The following TAFA4 variants were observed in gnomAD, a reference collection of about 807,000 sequenced individuals.
TAFA4 encodes chemokine-like protein TAFA-4.
A neutral mutation model predicts 21.1 loss-of-function variants in TAFA4; 20 were observed. The ratio of observed to expected loss-of-function variants is 0.95; its 90% confidence interval spans 0.67 to 1.38. The LOEUF (loss-of-function observed/expected upper bound fraction) is 1.38. Among genes scored for constraint, TAFA4 ranks in the 40% most tolerant of loss-of-function variants. TAFA4 has a pLI of 0.00. For synonymous variants in TAFA4, 71 were observed against 67.4 expected, an observed-to-expected ratio of 1.05 and a Z score of -0.26; for missense variants, 211 against 180.9, an observed-to-expected ratio of 1.17 and a Z score of -0.95.
chr3:68,851,733 C>G (rs1341269315), intron 3 of TAFA4, among the ~76,000 whole-genome samples: 3 of 152,116 alleles, frequency 2.0e-5, no homozygotes, highest in Non-Finnish European at 2.9e-5. Context: ...TTTCAAAACT[C>G]ATTGAAAGGT....
chr3:68,741,931 A>T (rs2106733777), intron 4 of TAFA4, among the ~76,000 whole-genome samples: 1 of 152,352 alleles, frequency 6.6e-6, no homozygotes, highest in Admixed American at 6.5e-5. Flanking sequence ...CAAAAAAGAA[A>T]ATTATAGGCC....
At chr3:68,779,578 G>A (rs574767487) in intron 3 of TAFA4, among the ~76,000 whole-genome samples, 2 of 152,304 alleles carry the variant, frequency 1.3e-5, no homozygotes, top group East Asian at 3.9e-4. Context: ...CCAAAGTACA[G>A]CTGGGCTGTT....
intron 5 of TAFA4, among the ~76,000 whole-genome samples, chr3:68,734,100 A>G (rs1702198517): frequency 6.6e-6 from 1 of 152,180 alleles, no homozygotes; most frequent in South Asian, 2.1e-4. Flanking sequence ...TTCATTCACA[A>G]AAGTAGCCAT....
chr3:68,811,304 C>T (rs10446385), intron 3 of TAFA4, among the ~76,000 whole-genome samples: 104,529 of 152,040 alleles, frequency 0.69, 36,463 homozygotes, highest in East Asian at 0.98. Context: ...TCACCAGCAA[C>T]GGAACAAAGC....
chr3:68,921,244 C>A (rs546092167), intron 1 of TAFA4, among the ~76,000 whole-genome samples: 1 of 152,242 alleles, frequency 6.6e-6, no homozygotes, highest in East Asian at 1.9e-4. Flanking sequence ...TTAAATGACT[C>A]TGACCCAGTC....
At chr3:68,787,261 T>G (rs1332834206) in intron 3 of TAFA4, among the ~76,000 whole-genome samples, 4 of 152,028 alleles carry the variant, frequency 2.6e-5, no homozygotes, top group Admixed American at 2.0e-4. Context: ...CAGCGGAGAC[T>G]GAAATTGCAA....
rs1398930380 is a variant in TAFA4 at position 68,880,899 on chromosome 3, T to C, written c.15-54A>G. On this transcript the variant is annotated intron_variant, in intron 2 of 5. Transcript: ENST00000295569. ...GAGGGCTGAGGAAGGCCAGACTCCC[T>C]GGCAAGCACCATTCTAGGAAGGCGG... 21 of 1,420,760 alleles carry C rather than the reference T, an allele frequency of 1.5e-5. No homozygotes were observed. In the African/African-American group the frequency reaches 1.7e-4, roughly 11 times the overall value. 88.0% of individuals were successfully genotyped at this position (1,420,760 alleles called of 1,614,324 possible). A position where few individuals can be genotyped will look rare whatever the true frequency, so the allele number is the denominator to read the frequency against.
At chr3:68,855,868 G>C (rs1406228384) in intron 3 of TAFA4, among the ~76,000 whole-genome samples, 1 of 151,926 alleles carries the variant, frequency 6.6e-6, no homozygotes, top group Non-Finnish European at 1.5e-5. Context: ...TTCCACAAAG[G>C]TACCATTCTC....
chr3:68,849,792 A>T (rs996277475), intron 3 of TAFA4, among the ~76,000 whole-genome samples: 4 of 152,138 alleles, frequency 2.6e-5, no homozygotes, highest in African/African-American at 9.7e-5. Flanking sequence ...ATTGTATCTT[A>T]CTCAGTTTCT....
intron 3 of TAFA4, among the ~76,000 whole-genome samples, chr3:68,758,938 A>T (rs1702710426): frequency 6.6e-6 from 1 of 152,238 alleles, no homozygotes; most frequent in African/African-American, 2.4e-5. Context: ...TTATGGTAGT[A>T]GGCAAGTCCT....
intron 3 of TAFA4, among the ~76,000 whole-genome samples, chr3:68,813,521 G>C (rs1393480630): frequency 6.6e-6 from 1 of 152,180 alleles, no homozygotes; most frequent in Non-Finnish European, 1.5e-5. Context: ...ACTACCATCA[G>C]AGAATAGTAT....
At chr3:68,810,025 C>A (rs1413351127) in intron 3 of TAFA4, among the ~76,000 whole-genome samples, 1 of 152,102 alleles carries the variant, frequency 6.6e-6, no homozygotes. Flanking sequence ...TGGCTTTGTT[C>A]TTTTTGTTCA....
intron 3 of TAFA4, among the ~76,000 whole-genome samples, chr3:68,861,030 A>ACCCCCCCCCCCCCCCCCCCCCCCC (rs113804738): frequency 9.0e-6 from 1 of 111,022 alleles, no homozygotes; most frequent in Non-Finnish European, 1.9e-5. Context: ...TTAAATATGC[A>ACCCCCCCCCCCCCCCCCCCCCCCC]CCCCCCCCCC....
intron 3 of TAFA4, among the ~76,000 whole-genome samples, chr3:68,756,052 A>G (rs1423897110): frequency 6.6e-6 from 1 of 151,896 alleles, no homozygotes; most frequent in Non-Finnish European, 1.5e-5. Flanking sequence ...GCATAACTAC[A>G]CTCTCATGGG....
At chr3:68,882,628 A>G (rs2106953049) in intron 2 of TAFA4, among the ~76,000 whole-genome samples, 1 of 152,346 alleles carries the variant, frequency 6.6e-6, no homozygotes, top group South Asian at 2.1e-4. Flanking sequence ...TTGGGGTAAT[A>G]ACTGGAATTT....
intron 1 of TAFA4, among the ~76,000 whole-genome samples, chr3:68,894,241 C>T (rs1398097179): frequency 6.6e-6 from 1 of 151,748 alleles, no homozygotes; most frequent in Non-Finnish European, 1.5e-5. Context: ...TCACTGCGTC[C>T]TTCATCTCTG....
chr3:68,783,743 A>AAGAAAG (rs1703197885), intron 3 of TAFA4, among the ~76,000 whole-genome samples: 1 of 103,790 alleles, frequency 9.6e-6, no homozygotes, highest in Admixed American at 9.6e-5. Flanking sequence ...GAAAGAAAGA[A>AAGAAAG]AGTAAGAAAG....
chr3:68,846,216 T>A (rs1461357670), intron 3 of TAFA4, among the ~76,000 whole-genome samples: 1 of 152,068 alleles, frequency 6.6e-6, no homozygotes, highest in African/African-American at 2.4e-5. Context: ...TTCGTTCCTT[T>A]TCACTCTTTT....
chr3:68,922,517 C>T (rs879606444), intron 1 of TAFA4, among the ~76,000 whole-genome samples: 9 of 152,174 alleles, frequency 5.9e-5, no homozygotes, highest in Non-Finnish European at 1.2e-4. Context: ...CCCTTCCTTC[C>T]TTACTTCTAA....
Sources: allele counts gnomAD v4.1 joint callset (sites outside exome capture counted in the v4.1 genomes callset), GRCh38; gene constraint gnomAD v4.1.1; transcripts MANE v1.5; gene names NCBI Gene and HGNC (gene_info 2026-07-23, HGNC 2026-07-21).